The following ZNF385D variants were observed in gnomAD, a reference collection of about 807,000 sequenced individuals.
ZNF385D encodes the protein zinc finger protein 385D, also known as zinc finger protein 659.
ZNF385D carries 15 observed loss-of-function variants against 35.8 expected under a neutral mutation model. That is an observed-to-expected ratio of 0.42 (90% CI 0.28 to 0.64). The LOEUF (loss-of-function observed/expected upper bound fraction) is 0.64, where lower values mean the gene tolerates loss of function less well. Ranked by LOEUF, ZNF385D falls within the 30% of genes least tolerant of loss-of-function variation. ZNF385D has a pLI of 0.23. For missense variants in ZNF385D, 474 were observed against 494.6 expected (o/e 0.96, Z 0.39); for synonymous variants, 212 against 186.8 (o/e 1.13, Z -1.10).
chr3:21,641,399 GA>G (rs1158368183), intron 2 of ZNF385D, among the ~76,000 whole-genome samples: 1 of 151,250 alleles, frequency 6.6e-6, no homozygotes, highest in Non-Finnish European at 1.5e-5. Flanking sequence ...GTATGTGGGG[GA>G]GTAAACCAAT....
intron 3 of ZNF385D, among the ~76,000 whole-genome samples, chr3:21,828,438 G>T (rs1694791848): frequency 6.6e-6 from 1 of 152,102 alleles, no homozygotes; most frequent in Admixed American, 6.6e-5. Flanking sequence ...CAAAAGAAAT[G>T]GGGGGAGGGG....
intron 3 of ZNF385D, among the ~76,000 whole-genome samples, chr3:22,062,226 A>T (rs1699726503): frequency 1.3e-5 from 2 of 151,672 alleles, no homozygotes; most frequent in Admixed American, 6.6e-5. Flanking sequence ...TTTTATTTTT[A>T]TTTTTATTTT....
At chr3:21,498,804 G>A (rs779424010) in intron 4 of ZNF385D, among the ~76,000 whole-genome samples, 4 of 151,928 alleles carry the variant, frequency 2.6e-5, no homozygotes, top group African/African-American at 4.8e-5. Flanking sequence ...TTAGCTGGGC[G>A]TGGTGGCGTG....
intron 3 of ZNF385D, among the ~76,000 whole-genome samples, chr3:21,826,800 G>A (rs1230609200): frequency 6.9e-6 from 1 of 144,746 alleles, no homozygotes; most frequent in Non-Finnish European, 1.5e-5. Context: ...ACATTGGAGG[G>A]TTGATAAAGA....
chr3:21,481,002 A>G (rs1490240674), intron 4 of ZNF385D, among the ~76,000 whole-genome samples: 2 of 152,178 alleles, frequency 1.3e-5, no homozygotes, highest in East Asian at 3.8e-4. Flanking sequence ...AAGATTTTCT[A>G]CATATGTGAG....
intron 3 of ZNF385D, among the ~76,000 whole-genome samples, chr3:22,166,325 T>G (rs1302630205): frequency 6.6e-6 from 1 of 152,182 alleles, no homozygotes; most frequent in African/African-American, 2.4e-5. Flanking sequence ...ATCAAAGAAT[T>G]TGAGGAATAT....
chr3:21,505,342 T>C (rs1193883000), intron 4 of ZNF385D, among the ~76,000 whole-genome samples: 1 of 151,860 alleles, frequency 6.6e-6, no homozygotes, highest in Non-Finnish European at 1.5e-5. Context: ...GAAGCCATGA[T>C]AGTGTTCAAA....
intron 3 of ZNF385D, among the ~76,000 whole-genome samples, chr3:22,113,123 A>C (rs564220756): frequency 7.4e-4 from 113 of 152,204 alleles, no homozygotes; most frequent in African/African-American, 2.7e-3. Context: ...GCTTGGTGCT[A>C]TGTGTTGAAA....
chr3:21,459,568 A>G (rs1703038373), intron 4 of ZNF385D: 2 of 152,178 alleles, frequency 1.3e-5, no homozygotes, highest in African/African-American at 4.8e-5. Context: ...TGTGGACAAT[A>G]TTGTGAAATC....
chr3:21,572,279 G>A (rs1011633892), intron 2 of ZNF385D, among the ~76,000 whole-genome samples: 21 of 152,094 alleles, frequency 1.4e-4, no homozygotes, highest in African/African-American at 1.9e-4. Flanking sequence ...GTACATCCTT[G>A]TACTTTTGAT....
rs199942793 is a variant in ZNF385D at position 22,354,260 on chromosome 3, G to GT, written c.106+18189dup. Reference sequence around the variant, plus strand: ...CATTTTCTGTATCTCAGTTTCTTCAGTTTTTTTCATTTACAAGATGAAGAA... The same window carrying GT: ...CATTTTCTGTATCTCAGTTTCTTCAGTTTTTTTTCATTTACAAGATGAAGAA... On this transcript the variant is annotated intron_variant, in intron 2 of 5. Coordinates refer to the ZNF385D transcript ENST00000494108. 7.7e-3 allele frequency among the ~76,000 whole-genome samples: 1,169 copies of GT among 151,946 alleles called. 23 individuals carry two copies. Among genetic ancestry groups the GT allele is most frequent in the South Asian group, 0.045 (218 of 4,808 alleles).
At chr3:21,900,887 G>A (rs1699373980) in intron 3 of ZNF385D, among the ~76,000 whole-genome samples, 1 of 152,060 alleles carries the variant, frequency 6.6e-6, no homozygotes, top group Non-Finnish European at 1.5e-5. Context: ...ATCTAATTTA[G>A]TTCATACAAT....
chr3:21,809,057 G>C (rs1275479100), intron 3 of ZNF385D, among the ~76,000 whole-genome samples: 1 of 152,122 alleles, frequency 6.6e-6, no homozygotes, highest in East Asian at 1.9e-4. Flanking sequence ...GGAATATAAT[G>C]ATAAATTGCT....
intron 1 of ZNF385D, among the ~76,000 whole-genome samples, chr3:21,688,541 A>G (rs1361066924): frequency 6.6e-6 from 1 of 152,168 alleles, no homozygotes; most frequent in African/African-American, 2.4e-5. Context: ...ACAAGTCTTT[A>G]TCACAGCTAG....
chr3:22,271,142 C>T (rs1003295187), intron 2 of ZNF385D, among the ~76,000 whole-genome samples: 9 of 151,822 alleles, frequency 5.9e-5, no homozygotes, highest in Non-Finnish European at 1.0e-4. Context: ...ATTCATTTAC[C>T]CACATTCATT....
At chr3:22,203,534 A>G (rs763499849) in intron 2 of ZNF385D, among the ~76,000 whole-genome samples, 2 of 152,072 alleles carry the variant, frequency 1.3e-5, no homozygotes, top group Non-Finnish European at 2.9e-5. Context: ...ACAAGGATAG[A>G]GTATCGAGGA....
At chr3:21,584,904 A>C (rs1024462449) in intron 2 of ZNF385D, among the ~76,000 whole-genome samples, 16 of 152,146 alleles carry the variant, frequency 1.1e-4, no homozygotes, top group African/African-American at 3.9e-4. Context: ...GAAATATTTA[A>C]AGCTTTCATC....
intron 3 of ZNF385D, among the ~76,000 whole-genome samples, chr3:21,927,153 G>T (rs1700769117): frequency 6.6e-6 from 1 of 152,038 alleles, no homozygotes; most frequent in Non-Finnish European, 1.5e-5. Context: ...GTCTTGCCCT[G>T]TAATGCCTGT....
chr3:21,482,360 C>T (rs1704689290), intron 4 of ZNF385D, among the ~76,000 whole-genome samples: 1 of 152,166 alleles, frequency 6.6e-6, no homozygotes, highest in African/African-American at 2.4e-5. Flanking sequence ...TGATCTAAGG[C>T]TGCTTTTGCA....
Sources: allele counts gnomAD v4.1 joint callset (sites outside exome capture counted in the v4.1 genomes callset), GRCh38; gene constraint gnomAD v4.1.1; transcripts MANE v1.5; gene names NCBI Gene and HGNC (gene_info 2026-07-23, HGNC 2026-07-21).